The following TPST1 variants were observed in gnomAD, a reference collection of about 807,000 sequenced individuals.
The protein encoded by TPST1 is protein-tyrosine sulfotransferase 1.
A neutral mutation model predicts 34.8 loss-of-function variants in TPST1; 20 were observed. The observed-to-expected ratio is 0.57, with a 90% confidence interval of 0.40 to 0.84. The LOEUF (loss-of-function observed/expected upper bound fraction) is 0.84. Ranked by LOEUF, TPST1 falls within the 40% of genes least tolerant of loss-of-function variation. The pLI, the probability that TPST1 is intolerant of heterozygous loss-of-function variation, is 0.00. For synonymous variants in TPST1, 152 were observed against 159.4 expected, an observed-to-expected ratio of 0.95 and a Z score of 0.35; for missense variants, 353 against 455.5, an observed-to-expected ratio of 0.78 and a Z score of 2.05.
intron 3 of TPST1, among the ~76,000 whole-genome samples, chr7:66,350,686 T>C (rs1792459053): frequency 6.6e-6 from 1 of 152,166 alleles, no homozygotes; most frequent in South Asian, 2.1e-4. Context: ...GCATTGAGAT[T>C]TTCTGTGCTC....
chr7:66,340,123 G>A (rs1284669994), intron 3 of TPST1, among the ~76,000 whole-genome samples: 1 of 151,964 alleles, frequency 6.6e-6, no homozygotes, highest in East Asian at 1.9e-4. Flanking sequence ...ATCCCTTGAA[G>A]TCAGGAGTTT....
chr7:66,292,919 C>T (rs897132497), intron 3 of TPST1, among the ~76,000 whole-genome samples: 80 of 152,282 alleles, frequency 5.3e-4, no homozygotes, highest in Non-Finnish European at 3.5e-4. Flanking sequence ...AAAATTTGGG[C>T]CTAGTGGCCT....
chr7:66,343,971 A>G (rs944616741), intron 3 of TPST1, among the ~76,000 whole-genome samples: 2 of 152,264 alleles, frequency 1.3e-5, no homozygotes, highest in African/African-American at 2.4e-5. Flanking sequence ...ATACTATAAC[A>G]GAAATGAAGA....
intron 1 of TPST1, among the ~76,000 whole-genome samples, chr7:66,238,395 A>G (rs1476949305): frequency 6.8e-6 from 1 of 146,976 alleles, no homozygotes; most frequent in African/African-American, 2.5e-5. Flanking sequence ...CAGCCTTTGT[A>G]TAACAGCACT....
chr7:66,223,141 C>A (rs1789578600), intron 1 of TPST1, among the ~76,000 whole-genome samples: 1 of 152,076 alleles, frequency 6.6e-6, no homozygotes, highest in African/African-American at 2.4e-5. Flanking sequence ...TATTCAGTTA[C>A]TTTTCATTCT....
At chr7:66,329,465 A>C (rs1161584691) in intron 3 of TPST1, among the ~76,000 whole-genome samples, 1 of 152,082 alleles carries the variant, frequency 6.6e-6, no homozygotes, top group Non-Finnish European at 1.5e-5. Flanking sequence ...AGTTGCAGAT[A>C]TTATGCTTCC....
chr7:66,309,880 A>G (rs1390806979), intron 3 of TPST1, among the ~76,000 whole-genome samples: 1 of 152,058 alleles, frequency 6.6e-6, no homozygotes, highest in African/African-American at 2.4e-5. Flanking sequence ...TTATGTGCAC[A>G]TGTGTGCATG....
chr7:66,318,820 G>A (rs1314011776), intron 3 of TPST1, among the ~76,000 whole-genome samples: 1 of 152,126 alleles, frequency 6.6e-6, no homozygotes, highest in Non-Finnish European at 1.5e-5. Flanking sequence ...GCATATTTGG[G>A]AATATTTTTA....
chr7:66,326,604 C>G (rs1216417205), intron 3 of TPST1, among the ~76,000 whole-genome samples: 1 of 152,166 alleles, frequency 6.6e-6, no homozygotes, highest in African/African-American at 2.4e-5. Flanking sequence ...AACTTCCCCC[C>G]ACCAGGAAAT....
chr7:66,253,503 C>G (rs186661473), intron 2 of TPST1, among the ~76,000 whole-genome samples: 2 of 151,736 alleles, frequency 1.3e-5, no homozygotes, highest in Admixed American at 1.3e-4. Context: ...TCCCGAGTAG[C>G]TGGGACTACA....
At chr7:66,328,316 C>T (rs576340829) in intron 3 of TPST1, among the ~76,000 whole-genome samples, 6 of 151,976 alleles carry the variant, frequency 3.9e-5, no homozygotes, top group South Asian at 2.1e-4. Flanking sequence ...CGTGAGCCAC[C>T]GCGCCTGGCC....
chr7:66,243,780 A>G (rs1469343188), intron 2 of TPST1, among the ~76,000 whole-genome samples: 1 of 151,174 alleles, frequency 6.6e-6, no homozygotes, highest in East Asian at 1.9e-4. Flanking sequence ...TTGAATCCCT[A>G]CTCTCAAAAA....
chr7:66,199,419 C>G, the TPST1 span, among the ~76,000 whole-genome samples: 1 of 149,714 alleles, frequency 6.7e-6, no homozygotes, highest in Non-Finnish European at 1.5e-5. Context: ...CTCAGCCTCC[C>G]GAGTAGCTGG....
At chr7:66,296,247 T>TTC (rs1554349789) in intron 3 of TPST1, among the ~76,000 whole-genome samples, 29 of 40,110 alleles carry the variant, frequency 7.2e-4, no homozygotes, top group East Asian at 1.1e-3. Flanking sequence ...CACCCACCCT[T>TTC]CCCCCCCCCC....
chr7:66,269,889 C>T (rs1790670405), intron 2 of TPST1, among the ~76,000 whole-genome samples: 1 of 151,982 alleles, frequency 6.6e-6, no homozygotes, highest in African/African-American at 2.4e-5. Flanking sequence ...GCAAAAATTC[C>T]AGCCATCATG....
chr7:66,340,239 A>G (rs1019513088), intron 3 of TPST1, among the ~76,000 whole-genome samples: 22 of 152,200 alleles, frequency 1.4e-4, no homozygotes, highest in African/African-American at 5.1e-4. Context: ...AAGAAGGAAC[A>G]TATCTCAAAC....
At chr7:66,271,601 A>G (rs768898372) in intron 2 of TPST1, among the ~76,000 whole-genome samples, 2 of 152,162 alleles carry the variant, frequency 1.3e-5, no homozygotes, top group African/African-American at 2.4e-5. Context: ...TAGATTCTGC[A>G]TATAAGTGAG....
intron 2 of TPST1, among the ~76,000 whole-genome samples, chr7:66,270,855 C>T (rs1334396817): frequency 1.3e-5 from 2 of 152,122 alleles, no homozygotes; most frequent in African/African-American, 4.8e-5. Flanking sequence ...TTTTAGCAGC[C>T]ATTGATCCTC....
intron 1 of TPST1, among the ~76,000 whole-genome samples, chr7:66,225,604 T>C (rs1020173771): frequency 2.0e-5 from 3 of 152,188 alleles, no homozygotes; most frequent in African/African-American, 7.2e-5. Flanking sequence ...AGAGACTCAG[T>C]CTCAATAAAT....
Sources: gnomAD v4.1 joint callset for allele counts (sites outside exome capture counted in the v4.1 genomes callset) on GRCh38, gnomAD v4.1.1 for gene constraint, MANE v1.5 for transcripts, NCBI Gene and HGNC (gene_info 2026-07-23, HGNC 2026-07-21) for gene names.